TSTD2: variants seen among roughly 807,000 people sequenced by gnomAD.
TSTD2 encodes thiosulfate sulfurtransferase like domain containing 2.
TSTD2 carries 37 observed loss-of-function variants against 47.9 expected under a neutral mutation model. The ratio of observed to expected loss-of-function variants is 0.77; its 90% CI spans 0.59 to 1.02. The LOEUF (loss-of-function observed/expected upper bound fraction) is 1.02. Ranked by LOEUF, TSTD2 falls within the 50% of genes least tolerant of loss-of-function variation. The probability of loss-of-function intolerance (pLI) is 0.00; values close to 1 mark genes in which losing one functional copy is unlikely to be tolerated. For synonymous variants in TSTD2, 201 were observed against 215.9 expected (o/e 0.93, Z 0.61); for missense variants, 586 against 616.0 (o/e 0.95, Z 0.52).
In TSTD2 at chr9:97,625,834, G is replaced by C; in HGVS notation, c.329C>G (p.Ser110Cys). Residue 110 changes from serine (S) to cysteine (C), a missense_variant, in exon 3 of 10, where the codon TCT becomes TGT. Transcript: ENST00000341170. Reference sequence around the variant, plus strand: ...TGTCACAGCCAGTTGCTTTAAAATAGAAGCTGTCTGGTGATAAATTTCATC... The same window carrying C: ...TGTCACAGCCAGTTGCTTTAAAATACAAGCTGTCTGGTGATAAATTTCATC... ...HADEIYHQTA[S>C]ILKQLAVTLS... The C allele has an allele frequency of 1.2e-6, 2 of 1,614,174 alleles. No homozygotes were observed. Among genetic ancestry groups the C allele is most frequent in the South Asian group, 1.1e-5 (1 of 91,078 alleles).
rs1587972741 is a variant in TSTD2 at position 97,601,675 on chromosome 9, A to G, written c.*794T>C. On this transcript the variant is annotated 3_prime_UTR_variant, in exon 10 of 10. Coordinates refer to ENST00000341170, the MANE Select transcript of TSTD2 (RefSeq NM_139246.5). ...ACATAGTGTCTGTTGCAACTATTCA[A>G]CTCTGCCATAGATCATGTGTAAAGG... 1.5e-6 allele frequency: 1 copy of G among 654,178 alleles called. No individual in the cohort carries two copies. Among genetic ancestry groups the G allele is most frequent in the Non-Finnish European group, 1.9e-6 (1 of 526,780 alleles). The allele number at this position is 654,178 out of a possible 1,614,324, so 40.5% of individuals were successfully genotyped here.
chr9:97,627,748 T>C (rs1319764742), intron 1 of TSTD2, 136 bp from the exon 2 acceptor site: 2 of 534,174 alleles, frequency 3.7e-6, no homozygotes, highest in Non-Finnish European at 6.5e-6. Flanking sequence ...AAATCAATAG[T>C]ATTTACTTAG....
chr9:97,627,696 G>T, intron 1 of TSTD2, 84 bp from the exon 2 acceptor site: 2 of 894,522 alleles, frequency 2.2e-6, no homozygotes, highest in South Asian at 1.9e-5. Flanking sequence ...ACGCAAATCA[G>T]CATGGGCAAA....
intron 6 of TSTD2, among the ~76,000 whole-genome samples, chr9:97,608,541 C>T (rs1268215837): frequency 6.6e-6 from 1 of 152,124 alleles, no homozygotes; most frequent in African/African-American, 2.4e-5. Flanking sequence ...GAAGCTGAGG[C>T]AGGAGAATCG....
In TSTD2 at chr9:97,601,208, G is replaced by C. The variant is rs1826250894; in HGVS notation, c.*1261C>G. ...TAAAACACAATTGCAGCTGCATTCT[G>C]CATCGCTGAAAACTGCAATATAATA... On this transcript the variant is annotated 3_prime_UTR_variant, in exon 10 of 10. Coordinates refer to ENST00000341170, the MANE Select transcript of TSTD2 (RefSeq NM_139246.5). 1 of 1,288,896 alleles carries C rather than the reference G, an allele frequency of 7.8e-7. No individual in the cohort carries two copies. Among genetic ancestry groups the C allele is most frequent in the African/African-American group, 1.5e-5 (1 of 65,456 alleles). 79.8% of individuals were successfully genotyped at this position (1,288,896 alleles called of 1,614,324 possible).
chr9:97,629,645 T>C (rs1464203507), intron 1 of TSTD2, among the ~76,000 whole-genome samples: 1 of 152,210 alleles, frequency 6.6e-6, no homozygotes, highest in Non-Finnish European at 1.5e-5. Flanking sequence ...TACACAAACC[T>C]GTAAGCCTTC....
Position 97,604,789 on chromosome 9 carries a change from T to G in TSTD2, c.1190A>C (p.Lys397Thr). Reference sequence around the variant, plus strand: ...TTCATCAAAAACAAACAACTTCCCTTTGTAAAAGCCATCAGGAAACTCTTC... The same window carrying G: ...TTCATCAAAAACAAACAACTTCCCTGTGTAAAAGCCATCAGGAAACTCTTC... ...YLEEFPDGFY[K>T]GKLFVFDERY... The change falls in exon 9 of 10, where the codon AAA becomes ACA. Residue 397 changes from lysine (K) to threonine (T), a missense_variant. Lys to Thr is a moderately conservative substitution (Grantham distance 78). Transcript: ENST00000341170. 6.2e-7 allele frequency: 1 copy of G among 1,614,178 alleles called. No individual in the cohort carries two copies. The highest frequency in any genetic ancestry group is 1.1e-5 in the South Asian group (1 of 91,082).
chr9:97,632,643 C>T lies in TSTD2; in HGVS notation c.-51+600G>A, dbSNP rs1826849489. Among the ~76,000 whole-genome samples, 3 of 152,166 alleles carry T rather than the reference C, an allele frequency of 2.0e-5. No individual in the cohort carries two copies. In the South Asian group the frequency reaches 6.2e-4, roughly 32 times the overall value. On this transcript the variant is annotated intron_variant, in intron 1 of 9. Coordinates refer to ENST00000341170, the MANE Select transcript of TSTD2 (RefSeq NM_139246.5). ...AAGCGGATCCGCCCGCGTCGGCCTC[C>T]CATAAGTGTTAGGATTACAAGCGTT...
At chr9:97,626,969 T>C (rs1225697016) in intron 2 of TSTD2, among the ~76,000 whole-genome samples, 2 of 152,234 alleles carry the variant, frequency 1.3e-5, no homozygotes, top group Non-Finnish European at 2.9e-5. Flanking sequence ...CTGAATACTT[T>C]TTCCTGCTTA....
rs1826258092 is a variant in TSTD2, at chr9:97,601,471, G to T, written c.*998C>A. Reference sequence around the variant, plus strand: ...AAAAGCTCAGAGAGTAAGTGCTGGGGAAAGCAGAGCTATCAGAGGAAATCT... The same window carrying T: ...AAAAGCTCAGAGAGTAAGTGCTGGGTAAAGCAGAGCTATCAGAGGAAATCT... On this transcript the variant is annotated 3_prime_UTR_variant, in exon 10 of 10. Coordinates refer to ENST00000341170, the MANE Select transcript of TSTD2 (RefSeq NM_139246.5). 4 of 1,000,104 alleles carry T rather than the reference G, an allele frequency of 4.0e-6. No homozygotes were observed. The African/African-American group carries it at 5.2e-5, about 13-fold the overall frequency. The allele number at this position is 1,000,104 out of a possible 1,614,324, so 62.0% of individuals were successfully genotyped here.
intron 2 of TSTD2, among the ~76,000 whole-genome samples, chr9:97,626,554 A>G (rs1180499208): frequency 6.6e-6 from 1 of 152,250 alleles, no homozygotes; most frequent in Non-Finnish European, 1.5e-5. Flanking sequence ...TACTGTTTTT[A>G]TAAAAATTAC....
chr9:97,616,943 A>C (rs540751015), intron 4 of TSTD2, among the ~76,000 whole-genome samples: 18 of 152,378 alleles, frequency 1.2e-4, no homozygotes, highest in African/African-American at 3.6e-4. Context: ...TGTCATGAAC[A>C]TGCATTCATT....
intron 1 of TSTD2, among the ~76,000 whole-genome samples, chr9:97,630,802 TGAGAA>T (rs1826796406): frequency 1.3e-5 from 2 of 152,048 alleles, no homozygotes; most frequent in African/African-American, 4.8e-5. Flanking sequence ...GAAAATTACA[TGAGAA>T]AAGAAAAAAG....
chr9:97,619,360 G>C (rs149488117), intron 3 of TSTD2, among the ~76,000 whole-genome samples: 1 of 152,288 alleles, frequency 6.6e-6, no homozygotes, highest in East Asian at 1.9e-4. Flanking sequence ...CTTACTTGTA[G>C]ATCTTTTTGT....
intron 3 of TSTD2, among the ~76,000 whole-genome samples, chr9:97,625,063 C>T (rs1316263444): frequency 6.6e-6 from 1 of 152,106 alleles, no homozygotes. Context: ...GTGTAATCCA[C>T]ACCACTATCA....
At position 97,611,692 on chromosome 9, in the gene TSTD2, A is replaced by G. The variant is rs780696130; in HGVS notation, c.611T>C (p.Ile204Thr). Residue 204 changes from isoleucine (I) to threonine (T), a missense_variant, in exon 5 of 10, where the codon ATT becomes ACT. Physicochemically the swap from Ile to Thr is moderately conservative, Grantham distance 89. Coordinates refer to ENST00000341170, the MANE Select transcript of TSTD2 (RefSeq NM_139246.5). ...TGTCCCATTGATTCCTTCTGCAGCA[A>G]TTCGAATCTGAGACACAAGACGGTG... ...QHLHLTGKIR[I>T]AAEGINGTVG... 8 of 1,601,976 alleles carry G rather than the reference A, an allele frequency of 5.0e-6. No homozygotes were observed. The African/African-American group carries it at 9.4e-5, about 19-fold the overall frequency.
intron 6 of TSTD2, among the ~76,000 whole-genome samples, chr9:97,607,886 C>CA (rs1415080595): frequency 6.6e-6 from 1 of 151,268 alleles, no homozygotes; most frequent in Non-Finnish European, 1.5e-5. Flanking sequence ...GACTCCGTCT[C>CA]AAAAAAAGGC....
intron 6 of TSTD2, among the ~76,000 whole-genome samples, chr9:97,609,187 T>C (rs1826417040): frequency 1.3e-5 from 2 of 152,232 alleles, no homozygotes; most frequent in South Asian, 4.1e-4. Context: ...ATTTTTGATA[T>C]ACTGCATTAA....
intron 3 of TSTD2, among the ~76,000 whole-genome samples, chr9:97,624,133 G>A (rs1826681139): frequency 6.6e-6 from 1 of 152,106 alleles, no homozygotes; most frequent in Non-Finnish European, 1.5e-5. Flanking sequence ...CCTGCCTCCT[G>A]GTATTTAGAC....
Sources: allele counts gnomAD v4.1 joint callset (sites outside exome capture counted in the v4.1 genomes callset), GRCh38; gene constraint gnomAD v4.1.1; transcripts MANE v1.5; gene names NCBI Gene and HGNC (gene_info 2026-07-23, HGNC 2026-07-21).